SYT14: variants seen among roughly 807,000 people sequenced by gnomAD.
The protein encoded by SYT14 is synaptotagmin 14.
SYT14 carries 32 observed loss-of-function variants against 74.2 expected under a neutral mutation model. That is an observed-to-expected ratio of 0.43 (90% CI 0.33 to 0.58). SYT14 has a LOEUF of 0.58. SYT14 is among the 20% of genes least tolerant of loss of function. SYT14 has a pLI of 0.05. For synonymous variants in SYT14, 298 were observed against 337.7 expected (o/e 0.88, Z 1.29); for missense variants, 791 against 981.8 (o/e 0.81, Z 2.60).
At chr1:210,042,961 G>A (rs891544461) in intron 5 of SYT14, among the ~76,000 whole-genome samples, 3 of 152,124 alleles carry the variant, frequency 2.0e-5, no homozygotes, top group Non-Finnish European at 4.4e-5. Context: ...CCATTTTCAC[G>A]ATATTGATTC....
chr1:209,967,325 T>G (rs1009977801), intron 2 of SYT14, among the ~76,000 whole-genome samples: 5 of 152,164 alleles, frequency 3.3e-5, no homozygotes, highest in Non-Finnish European at 7.4e-5. Context: ...CCTGAGAGAA[T>G]GAATTGGGAA....
rs138874320 is a variant in SYT14, at chr1:210,021,111, A to G, written c.1169A>G (p.His390Arg). 2.5e-6 allele frequency: 4 copies of G among 1,614,014 alleles called. No homozygotes were observed. Among genetic ancestry groups the G allele is most frequent in the Non-Finnish European group, 3.4e-6 (4 of 1,179,890 alleles). The change falls in exon 5 of 10, where the codon CAT becomes CGT. Residue 390 changes from histidine (H) to arginine (R), a missense_variant. Coordinates refer to ENST00000637265, the Ensembl canonical transcript of SYT14. ...GAAGATGAAGCGCTGGGTAAATATC[A>G]TGAGGCCTTATCCAGAACACACAAT... is the stretch of plus-strand genomic sequence containing the variant.
chr1:210,100,638 A>C (rs2082047603), intron 7 of SYT14, among the ~76,000 whole-genome samples, 177 bp downstream of exon 6: 1 of 152,200 alleles, frequency 6.6e-6, no homozygotes, highest in Non-Finnish European at 1.5e-5. Context: ...TCTTACCTAA[A>C]AAAGTTGCCC....
At position 210,060,656 on chromosome 1, in the gene SYT14, A is replaced by G. The variant is rs781251837; in HGVS notation, c.1313-33666A>G. 8.6e-4 allele frequency among the ~76,000 whole-genome samples: 131 copies of G among 152,232 alleles called. 1 individual carries two copies. The highest frequency in any genetic ancestry group is 1.7e-3 in the Non-Finnish European group (114 of 67,962). ...AAAATATGGAAATTTAAAGGGAAAC[A>G]GCCCTCTAATAGAAAGGAAAAAATA... is the stretch of plus-strand genomic sequence containing the variant. On this transcript the variant is annotated intron_variant, in intron 5 of 9. Coordinates refer to ENST00000637265, the Ensembl canonical transcript of SYT14.
intron 1 of SYT14, among the ~76,000 whole-genome samples, chr1:209,941,995 A>G (rs1219217247): frequency 6.6e-6 from 1 of 152,226 alleles, no homozygotes; most frequent in Non-Finnish European, 1.5e-5. Context: ...GAATAATGAC[A>G]AGAAAAAAAG....
chr1:210,022,099 A>G (rs574970647), intron 5 of SYT14, among the ~76,000 whole-genome samples: 9 of 152,276 alleles, frequency 5.9e-5, no homozygotes, highest in African/African-American at 2.2e-4. Flanking sequence ...CCTAGATATC[A>G]TTTTTATCAT....
chr1:210,050,881 A>G (rs1457618973), intron 5 of SYT14, among the ~76,000 whole-genome samples: 1 of 152,180 alleles, frequency 6.6e-6, no homozygotes, highest in African/African-American at 2.4e-5. Flanking sequence ...ACCATTCAAG[A>G]TGAGATTTGG....
chr1:209,998,395 A>T (rs1245599113), intron 2 of SYT14, among the ~76,000 whole-genome samples: 1 of 152,090 alleles, frequency 6.6e-6, no homozygotes, highest in Non-Finnish European at 1.5e-5. Context: ...CTACACATTC[A>T]GTGCAATCCC....
intron 7 of SYT14, among the ~76,000 whole-genome samples, chr1:210,107,178 C>T (rs548048209): frequency 1.2e-4 from 18 of 152,364 alleles, no homozygotes; most frequent in Non-Finnish European, 2.4e-4. Flanking sequence ...TTGGGCACCC[C>T]TGAAAGGGTG....
At chr1:210,163,220 T>C (rs1572402168) in exon 10 of SYT14, 1 of 447,102 alleles carries the variant, frequency 2.2e-6, no homozygotes, top group African/African-American at 2.2e-5. Flanking sequence ...CTTTCACTCT[T>C]AGTGAGAAAA....
At chr1:210,078,405 G>C (rs2081551241) in intron 5 of SYT14, among the ~76,000 whole-genome samples, 1 of 151,678 alleles carries the variant, frequency 6.6e-6, no homozygotes, top group Admixed American at 6.6e-5. Context: ...AACTGCATGT[G>C]GATCATGAAA....
At chr1:210,016,359 T>G in exon 4 of SYT14, 1 of 1,232,026 alleles carries the variant, frequency 8.1e-7, no homozygotes, top group South Asian at 4.1e-5. Context: ...GAAAGAGTAT[T>G]TAAACATGTT....
chr1:210,153,814 G>C (rs1348120449), intron 7 of SYT14, among the ~76,000 whole-genome samples: 3 of 152,110 alleles, frequency 2.0e-5, no homozygotes, highest in African/African-American at 4.8e-5. Context: ...AGTAATAGTT[G>C]GCAATTTCAA....
intron 7 of SYT14, among the ~76,000 whole-genome samples, chr1:210,129,012 C>A (rs923560): frequency 6.6e-6 from 1 of 151,650 alleles, no homozygotes; most frequent in East Asian, 1.9e-4. Context: ...CCTTAGGTAT[C>A]CAAAAAAATA....
chr1:210,068,503 A>G (rs534970441), intron 5 of SYT14, among the ~76,000 whole-genome samples: 1 of 151,904 alleles, frequency 6.6e-6, no homozygotes, highest in South Asian at 2.1e-4. Context: ...GTTTGGTAGA[A>G]TCAACCTATG....
chr1:210,059,011 T>C (rs531520537), intron 5 of SYT14, among the ~76,000 whole-genome samples: 2 of 152,320 alleles, frequency 1.3e-5, no homozygotes, highest in Admixed American at 6.5e-5. Context: ...CCTTTACTTA[T>C]ATTAGTTCAT....
At chr1:210,124,797 C>G (rs2082533384) in intron 7 of SYT14, among the ~76,000 whole-genome samples, 1 of 152,006 alleles carries the variant, frequency 6.6e-6, no homozygotes, top group African/African-American at 2.4e-5. Flanking sequence ...TTGACTATCC[C>G]AAAGTCACTG....
chr1:209,976,476 A>G (rs1244062668), intron 2 of SYT14, among the ~76,000 whole-genome samples: 2 of 152,126 alleles, frequency 1.3e-5, no homozygotes, highest in African/African-American at 4.8e-5. Flanking sequence ...GTAGGCATTC[A>G]GGAGCAGGTT....
In SYT14 at chr1:209,965,994, C is replaced by T. The variant is rs547696643; in HGVS notation, c.-486+13238C>T. ...CAAACGATTCTTCTGCCTCAGCATC[C>T]CAAGTAACTGGGACTACAGGTGCGT... On this transcript the variant is annotated intron_variant, in intron 2 of 9. Coordinates refer to ENST00000637265, the Ensembl canonical transcript of SYT14. 4.2e-5 allele frequency: 19 copies of T among 451,696 alleles called. No individual in the cohort carries two copies. In the East Asian group the frequency reaches 9.8e-4, roughly 23 times the overall value. 28.0% of individuals were successfully genotyped at this position (451,696 alleles called of 1,614,324 possible). A position where few individuals can be genotyped will look rare whatever the true frequency, so the allele number is the denominator to read the frequency against.
Sources: gnomAD v4.1 joint callset for allele counts (sites outside exome capture counted in the v4.1 genomes callset) on GRCh38, gnomAD v4.1.1 for gene constraint, MANE v1.5 for transcripts, NCBI Gene and HGNC (gene_info 2026-07-23, HGNC 2026-07-21) for gene names.